The following OR2M3 variants were observed in gnomAD, a reference collection of about 807,000 sequenced individuals.
The protein encoded by OR2M3 is olfactory receptor family 2 subfamily M member 3.
Under a neutral mutation model 4.3 loss-of-function variants are expected in OR2M3, and 1 was observed. The observed-to-expected ratio is 0.23, with a 90% CI of 0.08 to 1.11. The LOEUF is 1.11. OR2M3 is among the 50% of genes most tolerant of loss of function. OR2M3 has a pLI of 0.54. For synonymous variants in OR2M3, 151 were observed against 139.4 expected (o/e 1.08, Z -0.59); for missense variants, 410 against 390.4 (o/e 1.05, Z -0.42).
chr1:248,201,769 A>G (rs1666160504), intron 1 of OR2M3, among the ~76,000 whole-genome samples: 1 of 152,130 alleles, frequency 6.6e-6, no homozygotes, highest in South Asian at 2.1e-4. Context: ...TATAAAGGAC[A>G]TGAACTCATC....
chr1:248,198,104 A>G (rs1366436693), intron 1 of OR2M3, among the ~76,000 whole-genome samples: 1 of 152,142 alleles, frequency 6.6e-6, no homozygotes. Context: ...ATTAAACTTC[A>G]GAGTATAAAA....
chr1:248,200,084 C>T (rs918857709), intron 1 of OR2M3, among the ~76,000 whole-genome samples: 1 of 152,020 alleles, frequency 6.6e-6, no homozygotes, highest in Non-Finnish European at 1.5e-5. Flanking sequence ...GAACACTTTG[C>T]CAACTTAAAA....
In OR2M3 at chr1:248,203,989, G is replaced by C; in HGVS notation, c.922G>C (p.Gly308Arg). 8 of 1,613,714 alleles carry C rather than the reference G, an allele frequency of 5.0e-6. No homozygotes were observed. Among genetic ancestry groups the C allele is most frequent in the Non-Finnish European group, 6.8e-6 (8 of 1,179,842 alleles). ...TRAFMKILGK[G>R]KSGE ...AGCATTCATGAAGATCTTAGGAAAG[G>C]GCAAGTCTGGAGAGTGAGTTACCTA... Residue 308 changes from glycine to arginine, a missense_variant, in exon 2 of 2, where the codon GGC becomes CGC. Coordinates refer to ENST00000641626, the MANE Select transcript of OR2M3 (RefSeq NM_001004689.2).
At position 248,203,268 on chromosome 1, in the gene OR2M3, C is replaced by T. The variant is rs746743883; in HGVS notation, c.201C>T (p.Ser67=). Residue 67 remains serine, a synonymous_variant, in exon 2 of 2, where the codon TCC becomes TCT. Transcript: ENST00000641626. ...TGTACCTCCTCCTCAGCCAACTGTC[C>T]CTCATGGACCTCATGCTCATCTGCA... ...TPMYLLLSQL[S]LMDLMLICTT... 4 of 1,613,912 alleles carry T rather than the reference C, an allele frequency of 2.5e-6. No homozygotes were observed. In the South Asian group the frequency reaches 4.4e-5, roughly 18 times the overall value.
chr1:248,198,648 T>C (rs1223062176), intron 1 of OR2M3, among the ~76,000 whole-genome samples: 1 of 152,160 alleles, frequency 6.6e-6, no homozygotes, highest in Non-Finnish European at 1.5e-5. Flanking sequence ...ATCATCTCCC[T>C]CAGTGACTTC....
rs892341327 is a variant in OR2M3, at chr1:248,205,645, T to C, written c.*1639T>C. On this transcript the variant is annotated 3_prime_UTR_variant, in exon 2 of 2. Transcript: ENST00000641626. Reference sequence around the variant, plus strand: ...TCTGGGTTCTCTATTCTGTTTTGTCTGTCTATGTCTCTATTTTTATCCAGT... The same window carrying C: ...TCTGGGTTCTCTATTCTGTTTTGTCCGTCTATGTCTCTATTTTTATCCAGT... 1.3e-5 allele frequency: 2 copies of C among 151,968 alleles called. No individual in the cohort carries two copies. The highest frequency in any genetic ancestry group is 2.9e-5 in the Non-Finnish European group (2 of 67,878). 9.4% of individuals were successfully genotyped at this position (151,968 alleles called of 1,614,324 possible).
At position 248,203,440 on chromosome 1, in the gene OR2M3, G is replaced by A; in HGVS notation, c.373G>A (p.Ala125Thr). The change falls in exon 2 of 2, where the codon GCC (alanine) becomes ACC (threonine). Residue 125 changes from alanine to threonine, a missense_variant. Coordinates refer to ENST00000641626, the MANE Select transcript of OR2M3 (RefSeq NM_001004689.2). The stretch of plus-strand genomic sequence containing the variant: ...TGTTATGGCTTATGACCGCTACACT[G>A]CCATTTGCCACCCTCTAAGATACAC... ...LAVMAYDRYTAICHPLRYTNL... is the reference protein window; with the variant it reads ...LAVMAYDRYTTICHPLRYTNL... The A allele has an allele frequency of 1.2e-6, 2 of 1,613,954 alleles. No homozygotes were observed. The highest frequency in any genetic ancestry group is 1.1e-5 in the South Asian group (1 of 91,062).
chr1:248,203,376 C>G lies in OR2M3; in HGVS notation c.309C>G (p.Phe103Leu), dbSNP rs1209926963. The G allele has an allele frequency of 1.2e-6, 2 of 1,614,100 alleles. No homozygotes were observed. The highest frequency in any genetic ancestry group is 2.2e-5 in the South Asian group (2 of 91,082). ...SMAGCATQIF[F>L]YTSLLGSECF... ...CTGGTTGTGCCACACAAATTTTCTT[C>G]TATACATCACTGCTTGGCTCTGAGT... The change falls in exon 2 of 2, where the codon TTC (phenylalanine) becomes TTG (leucine). Residue 103 changes from phenylalanine (F) to leucine (L), a missense_variant. Transcript: ENST00000641626.
rs770015456 is a variant in OR2M3 at position 248,204,047 on chromosome 1, T to G, written c.*41T>G. 1 of 1,583,072 alleles carries G rather than the reference T, an allele frequency of 6.3e-7. No homozygotes were observed. Among genetic ancestry groups the G allele is most frequent in the Non-Finnish European group, 8.7e-7 (1 of 1,154,726 alleles). On this transcript the variant is annotated 3_prime_UTR_variant, in exon 2 of 2. Transcript: ENST00000641626. ...TCATGTTTTGCTGTGTGCTAAATCC[T>G]TTTTTTAAATGGTCCTATTTTTCCA...
chr1:248,202,397 G>A (rs1255563277), intron 1 of OR2M3, among the ~76,000 whole-genome samples: 1 of 152,082 alleles, frequency 6.6e-6, no homozygotes, highest in Admixed American at 6.6e-5. Flanking sequence ...CACTCTTTAT[G>A]TATTTCCAAA....
intron 1 of OR2M3, among the ~76,000 whole-genome samples, chr1:248,200,857 T>C (rs1666149798): frequency 6.6e-6 from 1 of 152,272 alleles, no homozygotes; most frequent in African/African-American, 2.4e-5. Flanking sequence ...AAAAGTTTTA[T>C]CTCAACTCAT....
At chr1:248,201,035 G>C (rs1395303558) in intron 1 of OR2M3, among the ~76,000 whole-genome samples, 2 of 152,014 alleles carry the variant, frequency 1.3e-5, no homozygotes, top group Admixed American at 6.6e-5. Flanking sequence ...CTACTCACCA[G>C]GCTTCTTTTT....
chr1:248,203,298 C>T lies in OR2M3; in HGVS notation c.231C>T (p.Thr77=), dbSNP rs188630609. 253 of 1,614,102 alleles carry T rather than the reference C, an allele frequency of 1.6e-4. 6 individuals are homozygous for T. The South Asian group carries it at 1.8e-3, about 12-fold the overall frequency. Residue 77 remains threonine, a synonymous_variant, in exon 2 of 2, where the codon ACC becomes ACT. Transcript: ENST00000641626. ...SLMDLMLICT[T]VPKMAFNYLS... The stretch of plus-strand genomic sequence containing the variant: ...TGGACCTCATGCTCATCTGCACCAC[C>T]GTACCCAAGATGGCCTTCAACTACC...
In OR2M3 at chr1:248,203,250, C is replaced by G; in HGVS notation, c.183C>G (p.Leu61=). 2 of 1,614,102 alleles carry G rather than the reference C, an allele frequency of 1.2e-6. No individual in the cohort carries two copies. Among genetic ancestry groups the G allele is most frequent in the Non-Finnish European group, 1.7e-6 (2 of 1,179,990 alleles). The change falls in exon 2 of 2, where the codon CTC becomes CTG. Residue 61 remains leucine (L), a synonymous_variant. Transcript: ENST00000641626. The stretch of plus-strand genomic sequence containing the variant: ...CCCAGCTCCACACCCCCATGTACCT[C>G]CTCCTCAGCCAACTGTCCCTCATGG... ...LDTQLHTPMY[L]LLSQLSLMDL...
At chr1:248,200,015 A>G (rs12057933) in intron 1 of OR2M3, among the ~76,000 whole-genome samples, 5,967 of 152,160 alleles carry the variant, frequency 0.039, 385 homozygotes, top group African/African-American at 0.14. Flanking sequence ...GATGGAGTAG[A>G]ATTATTCAAC....
chr1:248,207,630 G>A lies in OR2M3; in HGVS notation c.*3624G>A, dbSNP rs1345178724. ...TTGCAAGGTTTTGAGGGTTCCTTTTGGAGTTGATTTTCAATTTTATTCTAC... is the reference window on the plus strand; with the variant it reads ...TTGCAAGGTTTTGAGGGTTCCTTTTAGAGTTGATTTTCAATTTTATTCTAC... On this transcript the variant is annotated 3_prime_UTR_variant, in exon 2 of 2. Coordinates refer to ENST00000641626, the MANE Select transcript of OR2M3 (RefSeq NM_001004689.2). 1 of 151,946 alleles carries A rather than the reference G, an allele frequency of 6.6e-6. No individual in the cohort carries two copies. The highest frequency in any genetic ancestry group is 1.5e-5 in the Non-Finnish European group (1 of 67,896). The allele number at this position is 151,946 out of a possible 1,614,324, so 9.4% of individuals were successfully genotyped here.
Position 248,206,758 on chromosome 1 carries a change from C to T in OR2M3, c.*2752C>T, listed in dbSNP as rs1439331911. The T allele has an allele frequency of 1.3e-5, 2 of 151,844 alleles. No homozygotes were observed. The highest frequency in any genetic ancestry group is 6.6e-5 in the Admixed American group (1 of 15,242). 9.4% of individuals were successfully genotyped at this position (151,844 alleles called of 1,614,324 possible). ...ATCTATGTTCATCAGGGATATTGGT[C>T]TGTAGTCTGTAGTTTTCTTTTTTTG... On this transcript the variant is annotated 3_prime_UTR_variant, in exon 2 of 2. Transcript: ENST00000641626.
Position 248,206,478 on chromosome 1 carries a change from C to G in OR2M3, c.*2472C>G, listed in dbSNP as rs1178476613. On this transcript the variant is annotated 3_prime_UTR_variant, in exon 2 of 2. Coordinates refer to ENST00000641626, the MANE Select transcript of OR2M3 (RefSeq NM_001004689.2). ...GATTACCTTAACGTCACCTCTATGT[C>G]CCTTCGTGTTGATTTTGCTTAGAAT... 2 of 151,678 alleles carry G rather than the reference C, an allele frequency of 1.3e-5. No individual in the cohort carries two copies. Among genetic ancestry groups the G allele is most frequent in the African/African-American group, 4.9e-5 (2 of 41,230 alleles). 9.4% of individuals were successfully genotyped at this position (151,678 alleles called of 1,614,324 possible).
intron 1 of OR2M3, among the ~76,000 whole-genome samples, chr1:248,201,771 G>A (rs1183274530): frequency 6.6e-6 from 1 of 152,046 alleles, no homozygotes; most frequent in East Asian, 1.9e-4. Flanking sequence ...TAAAGGACAT[G>A]AACTCATCAT....
Sources: gnomAD v4.1 joint callset for allele counts (sites outside exome capture counted in the v4.1 genomes callset) on GRCh38, gnomAD v4.1.1 for gene constraint, MANE v1.5 for transcripts, NCBI Gene and HGNC (gene_info 2026-07-23, HGNC 2026-07-21) for gene names.